The following DRC4 variants were observed in gnomAD, a reference collection of about 807,000 sequenced individuals.
DRC4 encodes dynein regulatory complex subunit 4.
chr16:90,023,625 G>A, the DRC4 span, among the ~76,000 whole-genome samples: 1 of 139,746 alleles, frequency 7.2e-6, no homozygotes, highest in Non-Finnish European at 1.7e-5. Context: ...AGTACATTAC[G>A]AATTAAATTT....
the DRC4 span, chr16:90,037,753 T>G: frequency 6.2e-7 from 1 of 1,613,084 alleles, no homozygotes; most frequent in Non-Finnish European, 8.5e-7. Context: ...CTCCCTGTTT[T>G]TCCTCCAGTG....
chr16:90,043,987 A>T, the DRC4 span: 1 of 418,220 alleles, frequency 2.4e-6, no homozygotes, highest in Non-Finnish European at 5.0e-6. Context: ...TGGTTAAAAC[A>T]ACCTGAGATG....
chr16:90,021,696 G>A, the DRC4 span, among the ~76,000 whole-genome samples: 10 of 151,712 alleles, frequency 6.6e-5, no homozygotes, highest in South Asian at 8.3e-4. Context: ...GCAAGACCCC[G>A]TCTCTATTAA....
chr16:90,022,575 G>T, the DRC4 span: 4 of 933,774 alleles, frequency 4.3e-6, no homozygotes, highest in Non-Finnish European at 5.8e-6. Context: ...ACGCACTCCC[G>T]CCTTTGGCAG....
the DRC4 span, chr16:90,036,279 A>G: frequency 9.7e-7 from 1 of 1,030,720 alleles, no homozygotes; most frequent in Admixed American, 2.3e-5. Flanking sequence ...GGCTGTTCTG[A>G]CCACAGTGGG....
the DRC4 span, among the ~76,000 whole-genome samples, chr16:90,024,827 A>AAAAACG: frequency 6.6e-6 from 1 of 152,078 alleles, no homozygotes; most frequent in South Asian, 2.1e-4. Context: ...AAACAAAAAC[A>AAAAACG]AAAAACAAAA....
chr16:90,041,577 GGGCA>G, the DRC4 span, among the ~76,000 whole-genome samples: 2 of 152,178 alleles, frequency 1.3e-5, no homozygotes, highest in African/African-American at 4.8e-5. Context: ...AGGCTGAGGT[GGGCA>G]GATCACGAGT....
the DRC4 span, among the ~76,000 whole-genome samples, chr16:90,038,883 C>CT: frequency 1.3e-5 from 2 of 152,356 alleles, 1 homozygote; most frequent in Middle Eastern, 6.8e-3. Flanking sequence ...CCCCTCAAGG[C>CT]TTTGTCTGTG....
the DRC4 span, chr16:90,043,787 C>A: frequency 2.1e-6 from 1 of 470,582 alleles, no homozygotes; most frequent in African/African-American, 2.0e-5. Context: ...TCCAGGGGGC[C>A]GGGACTTCCC....
At chr16:90,036,367 C>G in the DRC4 span, 1 of 1,591,680 alleles carries the variant, frequency 6.3e-7, no homozygotes, top group Admixed American at 1.7e-5. Flanking sequence ...CTGCTGTTTG[C>G]TGCTGCCTTT....
the DRC4 span, chr16:90,029,387 T>A: frequency 9.0e-7 from 1 of 1,109,542 alleles, no homozygotes; most frequent in Middle Eastern, 3.2e-4. Context: ...TTCAGTGCTG[T>A]TTTTTTCTGA....
chr16:90,029,222 C>CTACGGGGCAGGT, the DRC4 span: 8 of 1,365,770 alleles, frequency 5.9e-6, no homozygotes, highest in Non-Finnish European at 7.8e-6. Flanking sequence ...ACGGGGCAGG[C>CTACGGGGCAGGT]CCTTGCACTG....
At chr16:90,026,459 A>T in the DRC4 span, among the ~76,000 whole-genome samples, 1 of 152,098 alleles carries the variant, frequency 6.6e-6, no homozygotes, top group South Asian at 2.1e-4. Context: ...TTTCTCTTTG[A>T]AAGAAAGGAA....
the DRC4 span, among the ~76,000 whole-genome samples, chr16:90,020,500 T>C: frequency 6.6e-6 from 1 of 152,172 alleles, no homozygotes; most frequent in African/African-American, 2.4e-5. Flanking sequence ...GCTCTGGGAT[T>C]TTGCAGGAAA....
At chr16:90,037,265 C>T in the DRC4 span, 2 of 1,613,256 alleles carry the variant, frequency 1.2e-6, no homozygotes, top group African/African-American at 1.3e-5. Context: ...GAAGGAGGAC[C>T]ACCTGGAGAG....
chr16:90,029,233 C>T, the DRC4 span: 3 of 1,157,698 alleles, frequency 2.6e-6, no homozygotes, highest in Non-Finnish European at 3.2e-6. Context: ...CCTTGCACTG[C>T]ACATCGCACG....
At chr16:90,029,581 T>C in the DRC4 span, 1 of 299,040 alleles carries the variant, frequency 3.3e-6, no homozygotes, top group Non-Finnish European at 6.8e-6. Flanking sequence ...CTGGTTGGAT[T>C]CGGGGGTGCG....
At chr16:90,044,521 C>G in the DRC4 span, 2 of 471,236 alleles carry the variant, frequency 4.2e-6, no homozygotes, top group Admixed American at 4.7e-5. Context: ...TGGGTAGAAG[C>G]TTTCCTGCCC....
chr16:90,021,856 CAAAAAAAAAA>C, the DRC4 span, among the ~76,000 whole-genome samples: 58 of 28,952 alleles, frequency 2.0e-3, no homozygotes, highest in African/African-American at 7.3e-3. Context: ...ACCCTGTCTC[CAAAAAAAAAA>C]AAAAAAAAAA....
Sources: gnomAD v4.1 joint callset for allele counts (sites outside exome capture counted in the v4.1 genomes callset) on GRCh38, gnomAD v4.1.1 for gene constraint, MANE v1.5 for transcripts, NCBI Gene and HGNC (gene_info 2026-07-23, HGNC 2026-07-21) for gene names.